HSF5: variants seen among roughly 807,000 people sequenced by gnomAD.
HSF5 encodes heat shock transcription factor 5.
In HSF5, 5 loss-of-function variants were observed where a neutral mutation model predicts 50.8. The observed-to-expected ratio is 0.10, with a 90% confidence interval of 0.05 to 0.21. The LOEUF (loss-of-function observed/expected upper bound fraction) is 0.21. HSF5 is among the 10% of genes least tolerant of loss of function. HSF5 has a pLI of 1.00. For synonymous variants in HSF5, 307 were observed against 307.4 expected (o/e 1.00, Z 0.02); for missense variants, 564 against 762.6 (o/e 0.74, Z 3.07).
At chr17:58,437,482 C>T (rs1033142672) in intron 5 of HSF5, among the ~76,000 whole-genome samples, 2 of 152,098 alleles carry the variant, frequency 1.3e-5, no homozygotes, top group African/African-American at 4.8e-5. Context: ...TGAAAATTTC[C>T]CGTAATCCTA....
At chr17:58,461,819 G>T (rs1974797404) in intron 4 of HSF5, among the ~76,000 whole-genome samples, 1 of 152,060 alleles carries the variant, frequency 6.6e-6, no homozygotes, top group Non-Finnish European at 1.5e-5. Context: ...GCAGTGAGCT[G>T]AGATTGCACC....
chr17:58,460,349 CT>C (rs1343826996), intron 4 of HSF5, among the ~76,000 whole-genome samples: 1 of 152,050 alleles, frequency 6.6e-6, no homozygotes, highest in African/African-American at 2.4e-5. Context: ...CCTAAATTTT[CT>C]TTGGAATGTA....
At chr17:58,475,456 C>T (rs1293600816) in intron 2 of HSF5, among the ~76,000 whole-genome samples, 7 of 152,170 alleles carry the variant, frequency 4.6e-5, no homozygotes, top group Non-Finnish European at 1.0e-4. Context: ...ATCCTACAGG[C>T]TCTGCAGATT....
At position 58,449,715 on chromosome 17, in the gene HSF5, AT is replaced by A. The variant is rs1440911590; in HGVS notation, c.1720+9052del. 1.1e-4 allele frequency among the ~76,000 whole-genome samples: 14 copies of A among 128,412 alleles called. No homozygotes were observed. The South Asian group carries it at 2.1e-3, about 19-fold the overall frequency. The allele number at this position is 128,412 out of a possible 152,430, so 84.2% of individuals were successfully genotyped here. A position where few individuals can be genotyped will look rare whatever the true frequency, so the allele number is the denominator to read the frequency against. ...GCTCCATCTCAAAAAAAAAAAAAAA[AT>A]TTTTTTTAATTTTAAAAAGATATGC... is the stretch of plus-strand genomic sequence containing the variant. On this transcript the variant is annotated intron_variant, in intron 5 of 5. Transcript: ENST00000323777.
At chr17:58,428,037 G>C (rs1974317016) in intron 5 of HSF5, among the ~76,000 whole-genome samples, 1 of 152,130 alleles carries the variant, frequency 6.6e-6, no homozygotes, top group African/African-American at 2.4e-5. Flanking sequence ...ATTGAAATCT[G>C]AATTTCACAT....
At chr17:58,458,521 T>G (rs1768320899) in intron 5 of HSF5, among the ~76,000 whole-genome samples, 1 of 152,192 alleles carries the variant, frequency 6.6e-6, no homozygotes, top group South Asian at 2.1e-4. Flanking sequence ...CTTTGCTTAT[T>G]CTTAATATGT....
chr17:58,433,911 A>ATTTTTTTT (rs59043902), intron 5 of HSF5, among the ~76,000 whole-genome samples: 15,655 of 108,948 alleles, frequency 0.14, 2,169 homozygotes, highest in Non-Finnish European at 0.19. Context: ...GGTCAAAGGG[A>ATTTTTTTT]TTTTTTTTTT....
At chr17:58,482,652 G>C (rs918629738) in intron 1 of HSF5, among the ~76,000 whole-genome samples, 11 of 144,324 alleles carry the variant, frequency 7.6e-5, no homozygotes, top group African/African-American at 2.8e-4. Context: ...GGAGGTTGCA[G>C]TGGGCTGAGA....
chr17:58,437,599 C>A (rs1974443169), intron 5 of HSF5, among the ~76,000 whole-genome samples: 1 of 152,092 alleles, frequency 6.6e-6, no homozygotes, highest in African/African-American at 2.4e-5. Flanking sequence ...TCGTATATCT[C>A]CAGACTTTTT....
Position 58,480,151 on chromosome 17 carries a change from G to T in HSF5, c.667C>A (p.Arg223=). 1 of 1,614,182 alleles carries T rather than the reference G, an allele frequency of 6.2e-7. No individual in the cohort carries two copies. Among genetic ancestry groups the T allele is most frequent in the Non-Finnish European group, 8.5e-7 (1 of 1,180,026 alleles). The change falls in exon 2 of 6, where the codon CGG becomes AGG. Residue 223 remains arginine, a synonymous_variant. Transcript: ENST00000323777. ...HSTYPLKGLD[R]TPVPHRIWQN... is the part of the protein sequence containing the mutation. The stretch of plus-strand genomic sequence containing the variant: ...CATATTCTATGAGGAACTGGGGTCC[G>T]ATCTAAACCTTTCAGAGGGTAAGTA...
intron 4 of HSF5, among the ~76,000 whole-genome samples, chr17:58,461,171 G>A (rs1170263271): frequency 1.3e-5 from 2 of 151,396 alleles, no homozygotes; most frequent in Non-Finnish European, 2.9e-5. Context: ...CCAAGATTGC[G>A]CTACTGCACT....
At chr17:58,466,543 A>G (rs1974869377) in intron 3 of HSF5, among the ~76,000 whole-genome samples, 1 of 152,188 alleles carries the variant, frequency 6.6e-6, no homozygotes, top group Non-Finnish European at 1.5e-5. Context: ...ATAATTTTTA[A>G]ATCAATTTAA....
intron 1 of HSF5, among the ~76,000 whole-genome samples, chr17:58,485,492 A>T (rs1339050373): frequency 6.7e-6 from 1 of 150,006 alleles, no homozygotes; most frequent in Non-Finnish European, 1.5e-5. Context: ...CACGCCTGTA[A>T]TCCCAGCACT....
chr17:58,451,635 G>C (rs1263381240), intron 5 of HSF5, among the ~76,000 whole-genome samples: 1 of 152,180 alleles, frequency 6.6e-6, no homozygotes, highest in African/African-American at 2.4e-5. Context: ...AATTCCTTGA[G>C]ACAAATGAAA....
At chr17:58,454,698 A>G (rs1974686451) in intron 5 of HSF5, among the ~76,000 whole-genome samples, 1 of 152,212 alleles carries the variant, frequency 6.6e-6, no homozygotes, top group Admixed American at 6.5e-5. Context: ...ATAGTAAACT[A>G]TCTGAAAAAG....
intron 3 of HSF5, among the ~76,000 whole-genome samples, chr17:58,463,715 C>T (rs1321281385): frequency 2.6e-5 from 4 of 152,210 alleles, no homozygotes; most frequent in East Asian, 1.9e-4. Context: ...ACACAGGATG[C>T]TCACAAGTCT....
rs546355008 is a variant in HSF5, at chr17:58,452,412, T to C, written c.1720+6356A>G. Among the ~76,000 whole-genome samples the C allele has an allele frequency of 8.5e-5, 13 of 152,142 alleles. No individual in the cohort carries two copies. The East Asian group carries it at 1.9e-3, about 23-fold the overall frequency. ...AACAAATTGGAAAACCTAGAAGAAATGGATAAATTCCTGAACACATAAAAT... is the reference window on the plus strand; with the variant it reads ...AACAAATTGGAAAACCTAGAAGAAACGGATAAATTCCTGAACACATAAAAT... On this transcript the variant is annotated intron_variant, in intron 5 of 5. Coordinates refer to ENST00000323777, the MANE Select transcript of HSF5 (RefSeq NM_001080439.3).
rs754177185 is a variant in HSF5 at position 58,479,941 on chromosome 17, T to C, written c.877A>G (p.Ser293Gly). 1.2e-5 allele frequency: 20 copies of C among 1,613,998 alleles called. No homozygotes were observed. Among genetic ancestry groups the C allele is most frequent in the Non-Finnish European group, 1.7e-5 (20 of 1,180,010 alleles). ...QTMVSSSQKY[S>G]NYTPSAQYSQ... ...TACTGTGCTGAGGGTGTGTAGTTAC[T>C]GTATTTTTGGGAGGAGCTGACCATT... Residue 293 changes from serine (S) to glycine (G), a missense_variant, in exon 2 of 6, where the codon AGT becomes GGT. By Grantham distance (56) the Ser-to-Gly change is moderately conservative. Transcript: ENST00000323777.
chr17:58,454,172 C>T (rs1263589233), intron 5 of HSF5, among the ~76,000 whole-genome samples: 1 of 151,656 alleles, frequency 6.6e-6, no homozygotes, highest in Non-Finnish European at 1.5e-5. Flanking sequence ...GTCCTATGAC[C>T]CTGCCAAATC....
Sources: gnomAD v4.1 joint callset for allele counts (sites outside exome capture counted in the v4.1 genomes callset) on GRCh38, gnomAD v4.1.1 for gene constraint, MANE v1.5 for transcripts, NCBI Gene and HGNC (gene_info 2026-07-23, HGNC 2026-07-21) for gene names.